Variants in PSORS1C1 observed in about 807,000 individuals in gnomAD.
PSORS1C1 encodes the protein psoriasis susceptibility 1 candidate 1.
PSORS1C1 carries 7 observed loss-of-function variants against 9.4 expected under a neutral mutation model. That is an observed-to-expected ratio of 0.75 (90% CI 0.42 to 1.40). The LOEUF is 1.40. PSORS1C1 is among the 40% of genes most tolerant of loss of function. The pLI, the probability that PSORS1C1 is intolerant of heterozygous loss-of-function variation, is 0.01. For synonymous variants in PSORS1C1, 63 were observed against 69.4 expected (o/e 0.91, Z 0.46); for missense variants, 146 against 178.1 (o/e 0.82, Z 1.02).
intron 1 of PSORS1C1, chr6:31,116,755 G>C: frequency 2.5e-6 from 4 of 1,613,194 alleles, no homozygotes; most frequent in Non-Finnish European, 3.4e-6. Flanking sequence ...GTCTACAGAG[G>C]TGATTGGGGG....
At chr6:31,137,155 AG>A (rs1439327483) in intron 3 of PSORS1C1, among the ~76,000 whole-genome samples, 2 of 111,582 alleles carry the variant, frequency 1.8e-5, no homozygotes, top group African/African-American at 7.1e-5. Flanking sequence ...TAAAAAAAAA[AG>A]AAAGAAAAAG....
At chr6:31,129,708 T>C in intron 3 of PSORS1C1, 63 bp downstream of exon 3, 1 of 778,472 alleles carries the variant, frequency 1.3e-6, no homozygotes, top group East Asian at 2.4e-5. Flanking sequence ...TTTGCTTTAT[T>C]GAGTGCCTTC....
intron 1 of PSORS1C1, among the ~76,000 whole-genome samples, chr6:31,121,201 C>G (rs910612755): frequency 6.6e-6 from 1 of 151,988 alleles, no homozygotes; most frequent in Non-Finnish European, 1.5e-5. Context: ...CAGGGCTCAG[C>G]CAGGGGAGGG....
chr6:31,120,257 G>T, intron 1 of PSORS1C1: 1 of 1,138,678 alleles, frequency 8.8e-7, no homozygotes. Context: ...CAGAGCCCCT[G>T]CCTGTCCCCT....
intron 2 of PSORS1C1, among the ~76,000 whole-genome samples, chr6:31,129,302 G>A (rs1009810820): frequency 9.9e-5 from 15 of 152,184 alleles, no homozygotes; most frequent in African/African-American, 3.6e-4. Flanking sequence ...TAGACGTGAC[G>A]GTGTCCCTGG....
rs796996358 is a variant in PSORS1C1, at chr6:31,138,707, G to C, written c.95G>C (p.Ser32Thr). 6.2e-7 allele frequency: 1 copy of C among 1,607,748 alleles called. No homozygotes were observed. Among genetic ancestry groups the C allele is most frequent in the Non-Finnish European group, 8.5e-7 (1 of 1,178,256 alleles). ...CCCCAGCTCCTTAACACAGATCCCAGCTCCGAGGAAACTCGTCCCCCCCAC... is the reference window on the plus strand; with the variant it reads ...CCCCAGCTCCTTAACACAGATCCCACCTCCGAGGAAACTCGTCCCCCCCAC... ...QGPQLLNTDP[S>T]SEETRPPHVN... Residue 32 changes from serine to threonine, a missense_variant, in exon 5 of 6, where the codon AGC becomes ACC. By Grantham distance (58) the Ser-to-Thr change is moderately conservative. Coordinates refer to ENST00000259881, the MANE Select transcript of PSORS1C1 (RefSeq NM_014068.3).
chr6:31,132,999 C>T (rs3823416), intron 3 of PSORS1C1, among the ~76,000 whole-genome samples: 16,613 of 145,786 alleles, frequency 0.11, 1,206 homozygotes, highest in African/African-American at 0.2. Flanking sequence ...GGTCTGGGGG[C>T]GGGCTGGGGG....
rs780703508 is a variant in PSORS1C1, at chr6:31,138,704, C to A, written c.92C>A (p.Pro31His). 6.2e-7 allele frequency: 1 copy of A among 1,609,370 alleles called. No homozygotes were observed. The highest frequency in any genetic ancestry group is 1.1e-5 in the South Asian group (1 of 90,888). ...GGACCCCAGCTCCTTAACACAGATC[C>A]CAGCTCCGAGGAAACTCGTCCCCCC... ...LQGPQLLNTD[P>H]SSEETRPPHV... is the part of the protein sequence containing the mutation. The change falls in exon 5 of 6, where the codon CCC becomes CAC. Residue 31 changes from proline to histidine, a missense_variant. Coordinates refer to ENST00000259881, the MANE Select transcript of PSORS1C1 (RefSeq NM_014068.3).
rs746944026 is a variant in PSORS1C1, at chr6:31,139,952, A to AGAAC, written c.*22_*25dup. ...ATCTAAGCCTCCCAGAGAGACCCCT[A>AGAAC]GAACGTTTCCCTCAAGGACCTTTCT... On this transcript the variant is annotated 3_prime_UTR_variant, in exon 6 of 6. Coordinates refer to ENST00000259881, the MANE Select transcript of PSORS1C1 (RefSeq NM_014068.3). This position sits in a 1 kb window ranked among gnomAD's most constrained non-coding sequence, Gnocchi z 5.2. 7 of 1,598,050 alleles carry AGAAC rather than the reference A, an allele frequency of 4.4e-6. No individual in the cohort carries two copies. In the African/African-American group the frequency reaches 8.0e-5, roughly 18 times the overall value.
chr6:31,120,589 C>A (rs1298141920), intron 1 of PSORS1C1: 4 of 668,588 alleles, frequency 6.0e-6, no homozygotes, highest in Admixed American at 4.2e-5. Context: ...GTAATCAGCC[C>A]GGTGCATCTG....
Position 31,115,689 on chromosome 6 carries a change from C to G in PSORS1C1, c.-229+798C>G, listed in dbSNP as rs1042141. ...TTTCAGGGGTTTCCCAGTTGAGAAG[C>G]TGATGGGGGTGTTACTCAATGGACC... On this transcript the variant is annotated intron_variant, in intron 1 of 5. Coordinates refer to ENST00000259881, the MANE Select transcript of PSORS1C1 (RefSeq NM_014068.3). This position sits in a 1 kb window ranked among gnomAD's most constrained non-coding sequence, Gnocchi z 4.2. 195,869 of 358,564 alleles carry G rather than the reference C, an allele frequency of 0.55. 55,498 individuals carry two copies. Among genetic ancestry groups the G allele is most frequent in the African/African-American group, 0.68 (33,267 of 49,048 alleles). 22.2% of individuals were successfully genotyped at this position (358,564 alleles called of 1,614,324 possible). A position where few individuals can be genotyped will look rare whatever the true frequency, so the allele number is the denominator to read the frequency against.
intron 1 of PSORS1C1, among the ~76,000 whole-genome samples, chr6:31,121,882 A>G (rs953306903): frequency 3.3e-5 from 5 of 152,226 alleles, no homozygotes; most frequent in Non-Finnish European, 7.3e-5. Flanking sequence ...TTTAATTTTA[A>G]TTAATTGTAA....
chr6:31,138,974 C>G, intron 5 of PSORS1C1, 195 bp downstream of exon 5: 1 of 1,614,098 alleles, frequency 6.2e-7, no homozygotes. Flanking sequence ...CACCTCACCT[C>G]TGGTGTGCAG....
At chr6:31,129,534 C>T (rs1215915070) in intron 2 of PSORS1C1, 35 bp from the exon 3 acceptor site, 1 of 766,654 alleles carries the variant, frequency 1.3e-6, no homozygotes, top group Non-Finnish European at 2.4e-6. Context: ...CATGCCTCCC[C>T]CTTCTCTTTC....
intron 1 of PSORS1C1, chr6:31,116,001 T>A: frequency 6.3e-7 from 1 of 1,580,446 alleles, no homozygotes; most frequent in African/African-American, 1.5e-5. Context: ...GCCCAAGGCA[T>A]GCACACACAC....
At chr6:31,136,189 C>T (rs1270188771) in intron 3 of PSORS1C1, among the ~76,000 whole-genome samples, 1 of 152,088 alleles carries the variant, frequency 6.6e-6, no homozygotes, top group African/African-American at 2.4e-5. Flanking sequence ...GAATTCGAGA[C>T]CAGCCTGGCC....
At chr6:31,130,998 A>C (rs914523454) in intron 3 of PSORS1C1, among the ~76,000 whole-genome samples, 2 of 151,346 alleles carry the variant, frequency 1.3e-5, no homozygotes, top group African/African-American at 4.9e-5. Flanking sequence ...CAGCTAACTT[A>C]TTTTGTTTGT....
intron 1 of PSORS1C1, among the ~76,000 whole-genome samples, chr6:31,120,791 C>T (rs1772415663): frequency 6.6e-6 from 1 of 152,162 alleles, no homozygotes; most frequent in South Asian, 2.1e-4. Flanking sequence ...CTTAACTCTC[C>T]TGCCTACCGT....
chr6:31,115,943 G>T lies in PSORS1C1; in HGVS notation c.-229+1052G>T. 1 of 1,257,612 alleles carries T rather than the reference G, an allele frequency of 8.0e-7. No individual in the cohort carries two copies. The highest frequency in any genetic ancestry group is 1.2e-6 in the Non-Finnish European group (1 of 862,598). The allele number at this position is 1,257,612 out of a possible 1,614,324, so 77.9% of individuals were successfully genotyped here. ...GGGAAACTGAGCTAACCCTATGCCT[G>T]GGCACTGGACTTCTCCCATATGGGA... On this transcript the variant is annotated intron_variant, in intron 1 of 5. Transcript: ENST00000259881. This position sits in a 1 kb window ranked among gnomAD's most constrained non-coding sequence, Gnocchi z 4.2.
Sources: gnomAD v4.1 joint callset for allele counts (sites outside exome capture counted in the v4.1 genomes callset) on GRCh38, gnomAD v4.1.1 for gene constraint, Gnocchi (gnomAD v3.1) non-coding constraint, MANE v1.5 for transcripts, NCBI Gene and HGNC (gene_info 2026-07-23, HGNC 2026-07-21) for gene names.